The following BMP8B variants were observed in gnomAD, a reference collection of about 807,000 sequenced individuals.
BMP8B encodes bone morphogenetic protein 8b, also known as bone morphogenetic protein 8 (osteogenic protein 2).
In BMP8B, 17 loss-of-function variants were observed where a neutral mutation model predicts 30.3. The ratio of observed to expected loss-of-function variants is 0.56; its 90% CI spans 0.38 to 0.84. The LOEUF is 0.84. BMP8B is among the 40% of genes least tolerant of loss of function. BMP8B has a pLI of 0.00. For synonymous variants in BMP8B, 131 were observed against 214.7 expected, an observed-to-expected ratio of 0.61 and a Z score of 3.41; for missense variants, 253 against 494.6, an observed-to-expected ratio of 0.51 and a Z score of 4.63.
intron 1 of BMP8B, among the ~76,000 whole-genome samples, chr1:39,784,124 A>T (rs1432417990): frequency 6.6e-6 from 1 of 152,114 alleles, no homozygotes; most frequent in Non-Finnish European, 1.5e-5. Flanking sequence ...ATCTGCTCTG[A>T]GCCTCTCTCT....
intron 1 of BMP8B, among the ~76,000 whole-genome samples, chr1:39,785,595 T>A (rs1345948819): frequency 2.0e-5 from 3 of 152,230 alleles, no homozygotes; most frequent in Non-Finnish European, 4.4e-5. Context: ...AGGAGTCAGA[T>A]GAAGCTGATA....
intron 1 of BMP8B, among the ~76,000 whole-genome samples, chr1:39,782,161 A>AC (rs1285017620): frequency 2.0e-5 from 3 of 151,230 alleles, no homozygotes; most frequent in Non-Finnish European, 4.4e-5. Context: ...CAAAAAAAAA[A>AC]AAAACAAAAA....
At chr1:39,775,144 A>G in intron 1 of BMP8B, 106 bp from the exon 2 acceptor site, 1 of 1,525,722 alleles carries the variant, frequency 6.6e-7, no homozygotes, top group Non-Finnish European at 8.9e-7. Flanking sequence ...CTCAAGGTGG[A>G]GCGGACCCAG....
intron 1 of BMP8B, among the ~76,000 whole-genome samples, chr1:39,778,657 C>A (rs140732492): frequency 6.6e-6 from 1 of 152,290 alleles, no homozygotes; most frequent in East Asian, 1.9e-4. Context: ...GTTCTGGACC[C>A]CAAATTAAAA....
chr1:39,785,364 C>T (rs1207645096), intron 1 of BMP8B, among the ~76,000 whole-genome samples: 3 of 148,332 alleles, frequency 2.0e-5, no homozygotes, highest in Non-Finnish European at 3.0e-5. Flanking sequence ...CCCAGGTCTA[C>T]AGGCTGATAT....
intron 6 of BMP8B, among the ~76,000 whole-genome samples, 165 bp from the exon 7 acceptor site, chr1:39,760,733 A>T (rs993533437): frequency 1.2e-4 from 19 of 152,104 alleles, no homozygotes; most frequent in African/African-American, 4.6e-4. Context: ...GCAGTCCTCA[A>T]GGCTCCAGGA....
chr1:39,769,644 G>C, intron 3 of BMP8B: 1 of 1,467,266 alleles, frequency 6.8e-7, no homozygotes, highest in Non-Finnish European at 9.0e-7. Flanking sequence ...TATTCCCCTG[G>C]GGAACCCGGT....
At chr1:39,767,332 G>A (rs1436621266) in intron 3 of BMP8B, among the ~76,000 whole-genome samples, 4 of 150,810 alleles carry the variant, frequency 2.7e-5, no homozygotes, top group Admixed American at 1.3e-4. Context: ...AAGGTGGGTC[G>A]GAGCCAGGAT....
Position 39,758,812 on chromosome 1 carries a change from C to T in BMP8B, c.*1607G>A, listed in dbSNP as rs1002950320. 6.6e-6 allele frequency: 1 copy of T among 152,270 alleles called. No homozygotes were observed. The highest frequency in any genetic ancestry group is 1.5e-5 in the Non-Finnish European group (1 of 68,070). The allele number at this position is 152,270 out of a possible 1,614,324, so 9.4% of individuals were successfully genotyped here. ...CTGCCCTTTGCGTACATGGGAGGGT[C>T]TCTTCCTCTGCGCTTGCACATGGAG... On this transcript the variant is annotated 3_prime_UTR_variant, in exon 7 of 7. Transcript: ENST00000372827.
At position 39,788,334 on chromosome 1, in the gene BMP8B, A is replaced by C; in HGVS notation, c.152T>G (p.Val51Gly). ...CCGGGGCCGCCCAGGCAGCCCGAGC[A>C]CCGCCAGGATCTCGCGCTGCACGTC... ...RRDVQREILA[V>G]LGLPGRPRPR... The change falls in exon 1 of 7, where the codon GTG becomes GGG. Residue 51 changes from valine (V) to glycine (G), a missense_variant. Val to Gly is a moderately radical substitution (Grantham distance 109, BLOSUM62 -3). Transcript: ENST00000372827. This position sits in a 1 kb window ranked among gnomAD's most constrained non-coding sequence, Gnocchi z 5.8. 1 of 1,213,352 alleles carries C rather than the reference A, an allele frequency of 8.2e-7. No homozygotes were observed. Among genetic ancestry groups the C allele is most frequent in the Non-Finnish European group, 1.0e-6 (1 of 980,504 alleles). 75.2% of individuals were successfully genotyped at this position (1,213,352 alleles called of 1,614,324 possible). A position where few individuals can be genotyped will look rare whatever the true frequency, so the allele number is the denominator to read the frequency against.
chr1:39,785,098 G>A (rs1364587015), intron 1 of BMP8B, among the ~76,000 whole-genome samples: 1 of 77,378 alleles, frequency 1.3e-5, no homozygotes, highest in Non-Finnish European at 2.9e-5. Flanking sequence ...GTTGTGAGAA[G>A]GCGCCTCTGC....
intron 1 of BMP8B, among the ~76,000 whole-genome samples, chr1:39,775,599 C>G (rs1650170599): frequency 1.3e-5 from 2 of 152,190 alleles, no homozygotes; most frequent in African/African-American, 4.8e-5. Flanking sequence ...GAGTGCGAAT[C>G]TGCCATGGTG....
At position 39,788,229 on chromosome 1, in the gene BMP8B, C is replaced by T. The variant is rs1388949410; in HGVS notation, c.257G>A (p.Gly86Asp). The T allele has an allele frequency of 5.7e-6, 9 of 1,570,350 alleles. No individual in the cohort carries two copies. In the South Asian group the frequency reaches 7.8e-5, roughly 14 times the overall value. Residue 86 changes from glycine to aspartate, a missense_variant, in exon 1 of 7, where the codon GGC (glycine) becomes GAC (aspartate). Gly to Asp is a moderately conservative substitution (Grantham distance 94, BLOSUM62 -1). This residue lies in a region of BMP8B where 52 missense variants were observed against 68.3 expected (regional missense o/e 0.76). Coordinates refer to ENST00000372827, the MANE Select transcript of BMP8B (RefSeq NM_001720.5). The surrounding 1 kb of genome is among the most constrained non-coding windows in gnomAD (Gnocchi z 5.8). ...GGGCGCGCCGTCCTCGTCGTCGTCGCCGGCCATGGCGTGGTACAGGTCCAG... is the reference window on the plus strand; with the variant it reads ...GGGCGCGCCGTCCTCGTCGTCGTCGTCGGCCATGGCGTGGTACAGGTCCAG... ...FMLDLYHAMA[G>D]DDDEDGAPAE...
In BMP8B at chr1:39,788,585, T is replaced by TCGGCGGG. The variant is rs983879486; in HGVS notation, c.-107_-101dup. 63 of 923,912 alleles carry TCGGCGGG rather than the reference T, an allele frequency of 6.8e-5. No individual in the cohort carries two copies. Among genetic ancestry groups the TCGGCGGG allele is most frequent in the Middle Eastern group, 1.1e-3 (2 of 1,812 alleles). The allele number at this position is 923,912 out of a possible 1,614,324, so 57.2% of individuals were successfully genotyped here. ...CGCCCCGACGGCAAGGAGGCTGGGC[T>TCGGCGGG]CGGCGGGCGGCGGGCGGCGGGGCGG... On this transcript the variant is annotated 5_prime_UTR_variant, in exon 1 of 7. Transcript: ENST00000372827. This position sits in a 1 kb window ranked among gnomAD's most constrained non-coding sequence, Gnocchi z 5.8.
At chr1:39,766,838 T>A (rs1299033433) in intron 3 of BMP8B, among the ~76,000 whole-genome samples, 1 of 150,758 alleles carries the variant, frequency 6.6e-6, no homozygotes, top group African/African-American at 2.5e-5. Context: ...ACAAGTGAGG[T>A]CACAACGGAG....
At chr1:39,779,400 G>A (rs933493633) in intron 1 of BMP8B, among the ~76,000 whole-genome samples, 1 of 152,170 alleles carries the variant, frequency 6.6e-6, no homozygotes, top group African/African-American at 2.4e-5. Flanking sequence ...GGTGCACCAT[G>A]GGGGGTGCCA....
rs1464675828 is a variant in BMP8B, at chr1:39,784,201, C to G, written c.334+3951G>C. 3.3e-5 allele frequency among the ~76,000 whole-genome samples: 5 copies of G among 152,184 alleles called. No homozygotes were observed. The East Asian group carries it at 9.6e-4, about 29-fold the overall frequency. ...CAATGAAGGAAGAGATGCAGAGGTTCTGGGCACGTGGGCATCGCTGGGTAT... is the reference window on the plus strand; with the variant it reads ...CAATGAAGGAAGAGATGCAGAGGTTGTGGGCACGTGGGCATCGCTGGGTAT... On this transcript the variant is annotated intron_variant, in intron 1 of 6. Coordinates refer to ENST00000372827, the MANE Select transcript of BMP8B (RefSeq NM_001720.5).
intron 3 of BMP8B, among the ~76,000 whole-genome samples, chr1:39,766,296 CAG>C (rs1401619653): frequency 6.8e-6 from 1 of 146,462 alleles, no homozygotes; most frequent in African/African-American, 2.6e-5. Flanking sequence ...TCTCTTTAAA[CAG>C]TGCCAGTTGT....
rs1651173646 is a variant in BMP8B at position 39,788,541 on chromosome 1, C to T, written c.-56G>A. 13 of 997,136 alleles carry T rather than the reference C, an allele frequency of 1.3e-5. No individual in the cohort carries two copies. Among genetic ancestry groups the T allele is most frequent in the Admixed American group, 6.1e-5 (1 of 16,442 alleles). The allele number at this position is 997,136 out of a possible 1,614,324, so 61.8% of individuals were successfully genotyped here. ...CAGCGGGCGCGCATCGGCTCCGCGGCCGACCCAGGGCCTGGGGACGCCCCG... is the reference window on the plus strand; with the variant it reads ...CAGCGGGCGCGCATCGGCTCCGCGGTCGACCCAGGGCCTGGGGACGCCCCG... On this transcript the variant is annotated 5_prime_UTR_variant, in exon 1 of 7. Transcript: ENST00000372827. The surrounding 1 kb of genome is among the most constrained non-coding windows in gnomAD (Gnocchi z 5.8).
Sources: gnomAD v4.1 joint callset for allele counts (sites outside exome capture counted in the v4.1 genomes callset) on GRCh38, gnomAD v4.1.1 for gene constraint, gnomAD v4.1.1 regional missense constraint, Gnocchi (gnomAD v3.1) non-coding constraint, MANE v1.5 for transcripts, NCBI Gene and HGNC (gene_info 2026-07-23, HGNC 2026-07-21) for gene names.